Variants in ARHGAP10 observed in about 807,000 individuals in gnomAD.
ARHGAP10 encodes Rho GTPase activating protein 10.
In ARHGAP10, 87 loss-of-function variants were observed where a neutral mutation model predicts 108.6. That is an observed-to-expected ratio of 0.80 (90% confidence interval 0.67 to 0.96). The LOEUF is 0.96. Among genes scored for constraint, ARHGAP10 ranks in the 40% least tolerant of loss-of-function variants. The pLI is 0.00. For synonymous variants in ARHGAP10, 347 were observed against 341.1 expected (o/e 1.02, Z -0.19); for missense variants, 939 against 954.5 (o/e 0.98, Z 0.21).
At chr4:147,952,473 T>C (rs1483965525) in intron 15 of ARHGAP10, among the ~76,000 whole-genome samples, 1 of 152,204 alleles carries the variant, frequency 6.6e-6, no homozygotes, top group African/African-American at 2.4e-5. Flanking sequence ...TGGTAGTGTT[T>C]CATTGTGCTT....
chr4:147,870,798 A>G (rs945841308), intron 7 of ARHGAP10, among the ~76,000 whole-genome samples: 2 of 152,210 alleles, frequency 1.3e-5, no homozygotes, highest in Admixed American at 6.5e-5. Flanking sequence ...AAGGAAATAC[A>G]GTGTGCAAAA....
chr4:148,037,464 G>T (rs531563039), intron 19 of ARHGAP10, among the ~76,000 whole-genome samples: 134 of 152,274 alleles, frequency 8.8e-4, no homozygotes, highest in African/African-American at 2.9e-3. Flanking sequence ...GAGTAAGTAG[G>T]ATACTTTGAC....
chr4:147,995,070 G>A (rs1439149938), intron 18 of ARHGAP10, among the ~76,000 whole-genome samples: 1 of 152,112 alleles, frequency 6.6e-6, no homozygotes, highest in Non-Finnish European at 1.5e-5. Flanking sequence ...GGAAGTCTAT[G>A]TGTTTTTATC....
chr4:147,738,024 T>G (rs1728490048), intron 1 of ARHGAP10, among the ~76,000 whole-genome samples: 1 of 151,988 alleles, frequency 6.6e-6, no homozygotes, highest in Admixed American at 6.6e-5. Flanking sequence ...TTGTTGTTTT[T>G]TTTTTTTTTG....
At chr4:147,981,160 T>G (rs1739793581) in intron 18 of ARHGAP10, among the ~76,000 whole-genome samples, 1 of 152,204 alleles carries the variant, frequency 6.6e-6, no homozygotes, top group Non-Finnish European at 1.5e-5. Flanking sequence ...GTTAGGTTGT[T>G]AATTTGAGAT....
At chr4:147,773,458 G>C (rs142956700) in intron 1 of ARHGAP10, among the ~76,000 whole-genome samples, 368 of 152,282 alleles carry the variant, frequency 2.4e-3, no homozygotes, top group Non-Finnish European at 3.6e-3. Flanking sequence ...TGTGTTTTAG[G>C]ATTACAGCTG....
intron 16 of ARHGAP10, among the ~76,000 whole-genome samples, chr4:147,960,264 T>C (rs1738943639): frequency 6.6e-6 from 1 of 152,124 alleles, no homozygotes; most frequent in Non-Finnish European, 1.5e-5. Context: ...TATGATTTGG[T>C]TGTGTTATTT....
chr4:148,042,601 T>C (rs958327439), intron 19 of ARHGAP10, among the ~76,000 whole-genome samples: 2 of 152,234 alleles, frequency 1.3e-5, no homozygotes, highest in Non-Finnish European at 2.9e-5. Context: ...CTCCTGACAC[T>C]GGTAACTCTG....
At chr4:148,036,945 G>A (rs566974651) in intron 19 of ARHGAP10, among the ~76,000 whole-genome samples, 1 of 152,270 alleles carries the variant, frequency 6.6e-6, no homozygotes, top group Admixed American at 6.5e-5. Context: ...AAACAAGGCT[G>A]TTCAGTTTTC....
At chr4:147,743,019 G>C (rs562267054) in intron 1 of ARHGAP10, among the ~76,000 whole-genome samples, 2 of 149,766 alleles carry the variant, frequency 1.3e-5, no homozygotes, top group South Asian at 4.2e-4. Flanking sequence ...CATACTGATC[G>C]ATAGTTTTTT....
In ARHGAP10 at chr4:147,938,355, T is replaced by C. The variant is rs1738033545; in HGVS notation, c.1229-1470T>C. On this transcript the variant is annotated intron_variant, in intron 13 of 22. Coordinates refer to ENST00000336498, the MANE Select transcript of ARHGAP10 (RefSeq NM_024605.4). ...TGTAACAAACCTGTACATGTACCCC[T>C]GAACTTAAAAGTTAAAAAAAATAGT... Among the ~76,000 whole-genome samples the C allele has an allele frequency of 2.0e-5, 3 of 152,054 alleles. 1 individual carries two copies. Among genetic ancestry groups the C allele is most frequent in the Admixed American group, 2.0e-4 (3 of 15,268 alleles).
intron 1 of ARHGAP10, among the ~76,000 whole-genome samples, chr4:147,766,018 T>C (rs1269627885): frequency 6.6e-6 from 1 of 152,118 alleles, no homozygotes; most frequent in African/African-American, 2.4e-5. Flanking sequence ...CTGGGTGCGG[T>C]ACCTGTAATC....
intron 10 of ARHGAP10, among the ~76,000 whole-genome samples, chr4:147,889,293 G>A (rs997236088): frequency 7.2e-5 from 11 of 152,002 alleles, no homozygotes; most frequent in African/African-American, 2.2e-4. Context: ...TACAAGGTTC[G>A]TATTGGGTAC....
In ARHGAP10 at chr4:147,966,656, T is replaced by G. The variant is rs189703868; in HGVS notation, c.1557-24T>G. 901 of 1,525,586 alleles carry G rather than the reference T, an allele frequency of 5.9e-4. 2 individuals carry two copies. The African/African-American group carries it at 0.011, about 19-fold the overall frequency. The allele number at this position is 1,525,586 out of a possible 1,614,324, so 94.5% of individuals were successfully genotyped here. A position where few individuals can be genotyped will look rare whatever the true frequency, so the allele number is the denominator to read the frequency against. ...ATTTTTGCTCCTTTGGTTAAACAGATTCCTCCCCCCTTACCAATTTCAGTG... is the reference window on the plus strand; with the variant it reads ...ATTTTTGCTCCTTTGGTTAAACAGAGTCCTCCCCCCTTACCAATTTCAGTG... On this transcript the variant is annotated intron_variant, in intron 17 of 22. Coordinates refer to ENST00000336498, the MANE Select transcript of ARHGAP10 (RefSeq NM_024605.4).
intron 13 of ARHGAP10, among the ~76,000 whole-genome samples, chr4:147,937,325 AG>A (rs1371237707): frequency 6.6e-6 from 1 of 151,790 alleles, no homozygotes; most frequent in African/African-American, 2.4e-5. Flanking sequence ...TCTTCTTACA[AG>A]GCCTCCAGTC....
chr4:147,872,310 A>G (rs1259560577), intron 7 of ARHGAP10, among the ~76,000 whole-genome samples: 3 of 152,232 alleles, frequency 2.0e-5, no homozygotes, highest in African/African-American at 7.2e-5. Flanking sequence ...ACATGTTGAG[A>G]ATGAGAACCA....
intron 8 of ARHGAP10, among the ~76,000 whole-genome samples, chr4:147,878,968 C>T (rs1735207860): frequency 6.6e-6 from 1 of 152,028 alleles, no homozygotes; most frequent in African/African-American, 2.4e-5. Context: ...GATGGAGTTT[C>T]ACCGTGTTAG....
At chr4:148,026,572 A>G (rs1214387011) in intron 19 of ARHGAP10, among the ~76,000 whole-genome samples, 1 of 152,212 alleles carries the variant, frequency 6.6e-6, no homozygotes, top group Non-Finnish European at 1.5e-5. Context: ...TTATTTGCAA[A>G]AGACTGTAAA....
At chr4:147,765,143 C>G (rs983927658) in intron 1 of ARHGAP10, among the ~76,000 whole-genome samples, 19 of 152,110 alleles carry the variant, frequency 1.2e-4, no homozygotes, top group Non-Finnish European at 2.5e-4. Context: ...ATGGGGAAAT[C>G]TAGGAGTCCA....
Sources: gnomAD v4.1 joint callset for allele counts (sites outside exome capture counted in the v4.1 genomes callset) on GRCh38, gnomAD v4.1.1 for gene constraint, MANE v1.5 for transcripts, NCBI Gene and HGNC (gene_info 2026-07-23, HGNC 2026-07-21) for gene names.